SLC24A2: variants seen among roughly 807,000 people sequenced by gnomAD.
SLC24A2 encodes the protein solute carrier family 24 member 2.
Under a neutral mutation model 62.0 loss-of-function variants are expected in SLC24A2, and 36 were observed. The ratio of observed to expected loss-of-function variants is 0.58; its 90% CI spans 0.44 to 0.77. The LOEUF (loss-of-function observed/expected upper bound fraction) is 0.77, where lower values mean the gene tolerates loss of function less well. Among genes scored for constraint, SLC24A2 ranks in the 30% least tolerant of loss-of-function variants. The probability of loss-of-function intolerance (pLI) is 0.00; values close to 1 mark genes in which losing one functional copy is unlikely to be tolerated. For synonymous variants in SLC24A2, 358 were observed against 294.0 expected (o/e 1.22, Z -2.23); for missense variants, 846 against 817.9 (o/e 1.03, Z -0.42).
chr9:19,614,390 C>A (rs1418022562), intron 4 of SLC24A2, among the ~76,000 whole-genome samples: 1 of 152,168 alleles, frequency 6.6e-6, no homozygotes, highest in Non-Finnish European at 1.5e-5. Flanking sequence ...TTGAACTAAA[C>A]CTTCACCTAG....
chr9:19,788,781 A>T, intron 1 of SLC24A2, 104 bp downstream of exon 1: 1 of 985,378 alleles, frequency 1.0e-6, no homozygotes, highest in Non-Finnish European at 1.2e-6. Flanking sequence ...CGGCAGAGCC[A>T]CCTGTGAGCC....
chr9:20,286,681 G>A, the SLC24A2 span, among the ~76,000 whole-genome samples: 3 of 152,164 alleles, frequency 2.0e-5, no homozygotes, highest in Non-Finnish European at 4.4e-5. Context: ...CCCCTTGCAC[G>A]GATGAGTATG....
At chr9:19,898,473 T>C in the SLC24A2 span, among the ~76,000 whole-genome samples, 6 of 152,182 alleles carry the variant, frequency 3.9e-5, no homozygotes, top group African/African-American at 1.4e-4. Context: ...CCTGGCGCGG[T>C]GGCTCACGCC....
chr9:20,237,554 G>A, the SLC24A2 span, among the ~76,000 whole-genome samples: 2 of 152,196 alleles, frequency 1.3e-5, no homozygotes, highest in South Asian at 4.1e-4. Context: ...ACTAGAGAAG[G>A]TTAGAGAAGC....
the SLC24A2 span, among the ~76,000 whole-genome samples, chr9:20,091,713 C>A: frequency 6.6e-6 from 1 of 152,104 alleles, no homozygotes; most frequent in Non-Finnish European, 1.5e-5. Flanking sequence ...GAAAAGAGCT[C>A]TAAATATGGA....
chr9:19,721,723 G>A (rs147503897), intron 2 of SLC24A2, among the ~76,000 whole-genome samples: 1 of 152,118 alleles, frequency 6.6e-6, no homozygotes, highest in East Asian at 1.9e-4. Flanking sequence ...CAGTTCTATG[G>A]TCCTCCTAAA....
the SLC24A2 span, among the ~76,000 whole-genome samples, chr9:20,037,070 G>T: frequency 0.013 from 2,044 of 151,982 alleles, 35 homozygotes; most frequent in African/African-American, 0.045. Flanking sequence ...TAATTTTTTT[G>T]TACTTTTAGT....
chr9:19,724,159 G>T (rs1821106453), intron 2 of SLC24A2, among the ~76,000 whole-genome samples: 1 of 152,138 alleles, frequency 6.6e-6, no homozygotes, highest in Admixed American at 6.5e-5. Context: ...TTTTGGAGAA[G>T]AATTTAAGAG....
At chr9:19,830,486 G>A in the SLC24A2 span, among the ~76,000 whole-genome samples, 4 of 152,088 alleles carry the variant, frequency 2.6e-5, no homozygotes, top group Admixed American at 2.6e-4. Flanking sequence ...CTCTTAGAAA[G>A]GTTATATAAC....
At chr9:20,176,684 T>C in the SLC24A2 span, among the ~76,000 whole-genome samples, 4 of 152,100 alleles carry the variant, frequency 2.6e-5, no homozygotes, top group Admixed American at 6.6e-5. Context: ...AAGTTAGACA[T>C]TGGTGACTAT....
the SLC24A2 span, among the ~76,000 whole-genome samples, chr9:20,135,132 G>T: frequency 6.6e-6 from 1 of 152,124 alleles, no homozygotes; most frequent in Non-Finnish European, 1.5e-5. Context: ...CAAGAAATTT[G>T]CAGCCTGGTG....
At chr9:20,019,089 GAA>G in the SLC24A2 span, among the ~76,000 whole-genome samples, 189 of 38,710 alleles carry the variant, frequency 4.9e-3, 1 homozygote, top group African/African-American at 0.019. Context: ...AAGAGAGAAA[GAA>G]AGAAAGAAAG....
the SLC24A2 span, among the ~76,000 whole-genome samples, chr9:20,281,865 A>G: frequency 6.6e-6 from 1 of 152,250 alleles, no homozygotes; most frequent in Non-Finnish European, 1.5e-5. Flanking sequence ...CTTCCAAAAT[A>G]TGAACAACGT....
chr9:19,900,747 T>C, the SLC24A2 span, among the ~76,000 whole-genome samples: 4 of 152,244 alleles, frequency 2.6e-5, no homozygotes, highest in African/African-American at 9.6e-5. Flanking sequence ...ATGATCTTTA[T>C]TGTTTAGGGC....
chr9:19,886,377 G>C, the SLC24A2 span, among the ~76,000 whole-genome samples: 1 of 151,856 alleles, frequency 6.6e-6, no homozygotes. Context: ...TATTGGCTGT[G>C]GGTATGTCTT....
At chr9:19,751,644 G>A (rs749322272) in intron 2 of SLC24A2, among the ~76,000 whole-genome samples, 7 of 152,184 alleles carry the variant, frequency 4.6e-5, no homozygotes, top group Non-Finnish European at 1.0e-4. Flanking sequence ...GGGGAGTAGA[G>A]AGTTCCATAG....
chr9:19,589,226 T>C (rs1042736608), intron 5 of SLC24A2, among the ~76,000 whole-genome samples: 3 of 152,220 alleles, frequency 2.0e-5, no homozygotes, highest in African/African-American at 7.2e-5. Flanking sequence ...ATATCCTAAA[T>C]GTTCAACAGG....
the SLC24A2 span, among the ~76,000 whole-genome samples, chr9:20,029,915 A>T: frequency 6.6e-6 from 1 of 152,146 alleles, no homozygotes; most frequent in South Asian, 2.1e-4. Context: ...GACAAGCCCC[A>T]TGTTAGTGTT....
the SLC24A2 span, among the ~76,000 whole-genome samples, chr9:20,068,280 T>C: frequency 7.9e-5 from 12 of 152,050 alleles, no homozygotes; most frequent in Non-Finnish European, 1.3e-4. Context: ...GCCAGGCTGG[T>C]TGTGAACTCC....
Sources: allele counts gnomAD v4.1 joint callset (sites outside exome capture counted in the v4.1 genomes callset), GRCh38; gene constraint gnomAD v4.1.1; transcripts MANE v1.5; gene names NCBI Gene and HGNC (gene_info 2026-07-23, HGNC 2026-07-21).